ADAM29: variants seen among roughly 807,000 people sequenced by gnomAD.
ADAM29 encodes disintegrin and metalloproteinase domain-containing protein 29.
For missense variants in ADAM29, 969 were observed against 1,001.8 expected (o/e 0.97, Z 0.44); for synonymous variants, 367 against 342.3 (o/e 1.07, Z -0.80).
chr4:174,973,406 T>C (rs1188262890), intron 4 of ADAM29, among the ~76,000 whole-genome samples: 1 of 152,206 alleles, frequency 6.6e-6, no homozygotes, highest in African/African-American at 2.4e-5. Context: ...CTTTGGTAAC[T>C]CTGATTTTTC....
chr4:174,923,082 G>A (rs889239900), intron 2 of ADAM29, among the ~76,000 whole-genome samples: 1 of 151,956 alleles, frequency 6.6e-6, no homozygotes, highest in African/African-American at 2.4e-5. Context: ...TTGAGATGCA[G>A]TCTCACTCTG....
At chr4:174,963,568 C>A (rs1044923005) in intron 4 of ADAM29, among the ~76,000 whole-genome samples, 1 of 152,198 alleles carries the variant, frequency 6.6e-6, no homozygotes. Flanking sequence ...AAGAGATTCA[C>A]TGTACTTTCC....
intron 2 of ADAM29, among the ~76,000 whole-genome samples, chr4:174,927,483 T>G (rs1390678161): frequency 6.6e-6 from 1 of 152,254 alleles, no homozygotes; most frequent in Non-Finnish European, 1.5e-5. Flanking sequence ...TATTAACATT[T>G]TGTAGTTTTC....
At position 174,976,422 on chromosome 4, in the gene ADAM29, C is replaced by T; in HGVS notation, c.897C>T (p.Gly299=). 1.3e-6 allele frequency: 2 copies of T among 1,598,002 alleles called. No homozygotes were observed. The highest frequency in any genetic ancestry group is 1.7e-6 in the Non-Finnish European group (2 of 1,173,254). The change falls in exon 5 of 5, where the codon GGC becomes GGT. Residue 299 remains glycine, a synonymous_variant. Coordinates refer to ENST00000359240, the MANE Select transcript of ADAM29 (RefSeq NM_014269.4). The part of the protein sequence containing the change: ...FTTLGLRGLS[G]IGAFRGMCTP... Reference sequence around the variant, plus strand: ...CTCTAGGATTAAGAGGGTTAAGTGGCATAGGAGCTTTTAGAGGAATGTGTA... The same window carrying T: ...CTCTAGGATTAAGAGGGTTAAGTGGTATAGGAGCTTTTAGAGGAATGTGTA...
At chr4:174,931,757 TA>T (rs796974896) in intron 3 of ADAM29, among the ~76,000 whole-genome samples, 2 of 151,920 alleles carry the variant, frequency 1.3e-5, no homozygotes, top group East Asian at 1.9e-4. Context: ...TATTTTCATT[TA>T]AAAAAAATCT....
chr4:174,949,582 C>G (rs1419174219), intron 4 of ADAM29, among the ~76,000 whole-genome samples: 1 of 152,076 alleles, frequency 6.6e-6, no homozygotes, highest in South Asian at 2.1e-4. Context: ...AGCTTTCTCC[C>G]CATTCAGCCC....
chr4:174,931,146 C>CA lies in ADAM29; in HGVS notation c.-289dup, dbSNP rs1743844712. 2 of 152,198 alleles carry CA rather than the reference C, an allele frequency of 1.3e-5. No homozygotes were observed. Among genetic ancestry groups the CA allele is most frequent in the African/African-American group, 4.8e-5 (2 of 41,440 alleles). The allele number at this position is 152,198 out of a possible 1,614,324, so 9.4% of individuals were successfully genotyped here. ...CCATCCAGTCCTCTTTGCGTGGAATCAGACCTCTTTTGCAGTGGAAAGGAG... is the reference window on the plus strand; with the variant it reads ...CCATCCAGTCCTCTTTGCGTGGAATCAAGACCTCTTTTGCAGTGGAAAGGAG... On this transcript the variant is annotated 5_prime_UTR_variant, in exon 3 of 5. Coordinates refer to ENST00000359240, the MANE Select transcript of ADAM29 (RefSeq NM_014269.4).
At chr4:174,919,835 G>C (rs992157178) in intron 1 of ADAM29, among the ~76,000 whole-genome samples, 3 of 152,110 alleles carry the variant, frequency 2.0e-5, no homozygotes, top group African/African-American at 7.2e-5. Context: ...TCACTCAAGT[G>C]ACATTTATCA....
intron 2 of ADAM29, among the ~76,000 whole-genome samples, chr4:174,926,023 T>C (rs567275833): frequency 6.6e-6 from 1 of 152,292 alleles, no homozygotes; most frequent in South Asian, 2.1e-4. Flanking sequence ...TTTCCTATTT[T>C]GTGTAAAAAA....
chr4:174,928,522 G>T (rs1743653332), intron 2 of ADAM29, among the ~76,000 whole-genome samples: 1 of 144,660 alleles, frequency 6.9e-6, no homozygotes, highest in African/African-American at 2.6e-5. Flanking sequence ...AGTCTGGTTG[G>T]GGTGACCCTA....
At chr4:174,972,063 T>G (rs953246157) in intron 4 of ADAM29, among the ~76,000 whole-genome samples, 7 of 152,228 alleles carry the variant, frequency 4.6e-5, no homozygotes, top group African/African-American at 1.2e-4. Context: ...ATATTTTCTA[T>G]GGCTTTGTTG....
intron 4 of ADAM29, among the ~76,000 whole-genome samples, chr4:174,968,190 C>A (rs1251791650): frequency 6.6e-6 from 1 of 152,034 alleles, no homozygotes; most frequent in Non-Finnish European, 1.5e-5. Flanking sequence ...AATATACATA[C>A]AATGAATTAC....
At chr4:174,962,303 A>T (rs1019694478) in intron 4 of ADAM29, among the ~76,000 whole-genome samples, 1 of 152,100 alleles carries the variant, frequency 6.6e-6, no homozygotes, top group African/African-American at 2.4e-5. Flanking sequence ...TGAGGTCAGG[A>T]AATCAAGACC....
intron 4 of ADAM29, among the ~76,000 whole-genome samples, chr4:174,959,775 C>T (rs1050666235): frequency 6.6e-6 from 1 of 151,812 alleles, no homozygotes; most frequent in Admixed American, 6.6e-5. Context: ...GTTGAGTCTA[C>T]TGATAAGTTC....
intron 1 of ADAM29, among the ~76,000 whole-genome samples, chr4:174,919,621 T>C (rs1267335965): frequency 6.6e-6 from 1 of 152,184 alleles, no homozygotes; most frequent in Non-Finnish European, 1.5e-5. Flanking sequence ...CCTCTCCTTT[T>C]AGAGGCTCCC....
chr4:174,970,491 G>A (rs1294525329), intron 4 of ADAM29, among the ~76,000 whole-genome samples: 3 of 152,012 alleles, frequency 2.0e-5, no homozygotes, highest in African/African-American at 7.2e-5. Flanking sequence ...CATTAATGTG[G>A]GTGGCTTCTA....
At chr4:174,925,967 AAGTC>A (rs1560858976) in intron 2 of ADAM29, among the ~76,000 whole-genome samples, 1 of 152,174 alleles carries the variant, frequency 6.6e-6, no homozygotes, top group African/African-American at 2.4e-5. Flanking sequence ...ACTCTAATGA[AAGTC>A]AGCTTTCTTT....
intron 4 of ADAM29, among the ~76,000 whole-genome samples, chr4:174,947,687 C>T (rs1241259905): frequency 6.6e-6 from 1 of 151,988 alleles, no homozygotes; most frequent in East Asian, 1.9e-4. Flanking sequence ...GAGTGTGTGC[C>T]ATGTGCAGAT....
chr4:174,923,597 A>G (rs1333468983), intron 2 of ADAM29, among the ~76,000 whole-genome samples: 1 of 146,780 alleles, frequency 6.8e-6, no homozygotes, highest in Non-Finnish European at 1.5e-5. Flanking sequence ...AATATTTTCC[A>G]CCACACATAC....
Sources: gnomAD v4.1 joint callset for allele counts (sites outside exome capture counted in the v4.1 genomes callset) on GRCh38, gnomAD v4.1.1 for gene constraint, MANE v1.5 for transcripts, NCBI Gene and HGNC (gene_info 2026-07-23, HGNC 2026-07-21) for gene names.